The following INPP4B variants were observed in gnomAD, a reference collection of about 807,000 sequenced individuals.
INPP4B encodes the protein inositol polyphosphate-4-phosphatase type II B.
Under a neutral mutation model 122.5 loss-of-function variants are expected in INPP4B, and 55 were observed. That is an observed-to-expected ratio of 0.45 (90% confidence interval 0.36 to 0.56). The LOEUF (loss-of-function observed/expected upper bound fraction) is 0.56, where lower values mean the gene tolerates loss of function less well. INPP4B is among the 20% of genes least tolerant of loss of function. The probability of loss-of-function intolerance (pLI) is 0.00; values close to 1 mark genes in which losing one functional copy is unlikely to be tolerated. For synonymous variants in INPP4B, 403 were observed against 388.7 expected, an observed-to-expected ratio of 1.04 and a Z score of -0.43; for missense variants, 1,000 against 1,097.7, an observed-to-expected ratio of 0.91 and a Z score of 1.26.
chr4:142,463,743 T>C (rs373465178), intron 2 of INPP4B, among the ~76,000 whole-genome samples: 101 of 152,222 alleles, frequency 6.6e-4, no homozygotes, highest in African/African-American at 2.4e-3. Context: ...CAAGATCTTA[T>C]GGTTTTATAA....
At chr4:142,304,670 A>G (rs1762684751) in intron 9 of INPP4B, among the ~76,000 whole-genome samples, 2 of 152,116 alleles carry the variant, frequency 1.3e-5, no homozygotes. Flanking sequence ...GTTTCATCAA[A>G]ATAAGAGAGT....
intron 2 of INPP4B, among the ~76,000 whole-genome samples, chr4:142,633,026 A>C (rs867729958): frequency 6.6e-6 from 1 of 151,952 alleles, no homozygotes; most frequent in African/African-American, 2.4e-5. Flanking sequence ...TATATGGACA[A>C]AGAAAAGTTG....
chr4:142,839,607 A>G (rs1328771821), intron 1 of INPP4B, among the ~76,000 whole-genome samples: 1 of 152,212 alleles, frequency 6.6e-6, no homozygotes, highest in East Asian at 1.9e-4. Flanking sequence ...TATGATAAAA[A>G]TATTTGTAAA....
intron 1 of INPP4B, among the ~76,000 whole-genome samples, chr4:142,738,259 C>A (rs887805878): frequency 6.6e-6 from 1 of 152,152 alleles, no homozygotes; most frequent in Non-Finnish European, 1.5e-5. Context: ...CACATATACA[C>A]CATGGAATAC....
intron 7 of INPP4B, among the ~76,000 whole-genome samples, chr4:142,362,897 A>C (rs956868760): frequency 6.6e-6 from 1 of 152,048 alleles, no homozygotes; most frequent in African/African-American, 2.4e-5. Context: ...TACGTTCACT[A>C]TTTGGGTGAC....
chr4:142,031,554 C>CAAAGT (rs1435482279), intron 25 of INPP4B, among the ~76,000 whole-genome samples: 1 of 152,136 alleles, frequency 6.6e-6, no homozygotes, highest in Non-Finnish European at 1.5e-5. Context: ...CAATCAGTGA[C>CAAAGT]AAAGTAAAAG....
At chr4:142,288,934 A>G (rs1561756381) in intron 9 of INPP4B, among the ~76,000 whole-genome samples, 6 of 152,150 alleles carry the variant, frequency 3.9e-5, no homozygotes, top group African/African-American at 1.2e-4. Flanking sequence ...GGATTCAAGT[A>G]TATTATTTGA....
chr4:142,818,925 T>C (rs1332471559), intron 1 of INPP4B, among the ~76,000 whole-genome samples: 1 of 152,196 alleles, frequency 6.6e-6, no homozygotes, highest in Non-Finnish European at 1.5e-5. Context: ...TCCACTAGCA[T>C]GTGAATGCCA....
At chr4:142,148,647 ATT>A (rs765414294) in intron 17 of INPP4B, among the ~76,000 whole-genome samples, 2 of 152,224 alleles carry the variant, frequency 1.3e-5, no homozygotes, top group Non-Finnish European at 2.9e-5. Context: ...TTAAAAGATA[ATT>A]TGACATTCAC....
intron 2 of INPP4B, among the ~76,000 whole-genome samples, chr4:142,692,430 G>A (rs1283338148): frequency 6.6e-6 from 1 of 152,184 alleles, no homozygotes; most frequent in Non-Finnish European, 1.5e-5. Flanking sequence ...GCCAGGTGGG[G>A]TGGCTCATGC....
chr4:142,114,340 G>A (rs1791837570), intron 21 of INPP4B, among the ~76,000 whole-genome samples: 2 of 151,946 alleles, frequency 1.3e-5, no homozygotes, highest in Admixed American at 1.3e-4. Context: ...AAGTCATATG[G>A]TAATTTTATA....
Position 142,263,665 on chromosome 4 carries a change from TATATATATATATATAAC to T in INPP4B, c.616-3118_616-3102del, listed in dbSNP as rs1258899758. Among the ~76,000 whole-genome samples the T allele has an allele frequency of 2.0e-5, 2 of 102,388 alleles. 1 individual carries two copies. The highest frequency in any genetic ancestry group is 3.9e-5 in the Non-Finnish European group (2 of 50,790). The allele number at this position is 102,388 out of a possible 152,430, so 67.2% of individuals were successfully genotyped here. On this transcript the variant is annotated intron_variant, in intron 10 of 25. Transcript: ENST00000262992. ...ATATATATATATATATATATATATA[TATATATATATATATAAC>T]ATTGAACAATGACAAGTACTAATCA...
intron 23 of INPP4B, among the ~76,000 whole-genome samples, chr4:142,104,048 C>T (rs1785796761): frequency 6.6e-6 from 1 of 152,086 alleles, no homozygotes; most frequent in African/African-American, 2.4e-5. Flanking sequence ...ATAGTGCTAG[C>T]ATAGGAATCA....
chr4:142,129,134 A>C (rs1446833783), intron 18 of INPP4B, among the ~76,000 whole-genome samples: 1 of 152,200 alleles, frequency 6.6e-6, no homozygotes, highest in African/African-American at 2.4e-5. Flanking sequence ...TAAGGTAACA[A>C]GATGATGAAC....
At chr4:142,194,911 T>A (rs1303836468) in intron 14 of INPP4B, among the ~76,000 whole-genome samples, 2 of 152,290 alleles carry the variant, frequency 1.3e-5, no homozygotes, top group Non-Finnish European at 2.9e-5. Context: ...GGTGTCTATA[T>A]CCCCATAAAA....
chr4:142,080,475 C>G (rs953414471), intron 25 of INPP4B, among the ~76,000 whole-genome samples: 2 of 151,968 alleles, frequency 1.3e-5, no homozygotes, highest in Admixed American at 6.6e-5. Context: ...TGAAGTTAAG[C>G]CTTTAGTGTT....
intron 2 of INPP4B, among the ~76,000 whole-genome samples, chr4:142,529,016 T>C (rs143738206): frequency 2.6e-4 from 40 of 152,244 alleles, no homozygotes; most frequent in African/African-American, 9.6e-4. Context: ...AGAAAAATTT[T>C]TTCTAAGGAA....
chr4:142,741,346 C>A lies in INPP4B; in HGVS notation c.-253-15445G>T, dbSNP rs893087359. On this transcript the variant is annotated intron_variant, in intron 1 of 25. Coordinates refer to ENST00000262992, the MANE Select transcript of INPP4B (RefSeq NM_001101669.3). ...GGAGTAGGAGAGAGACGAGGAGGAG[C>A]CAGCCCCTTTTAAACAACCAAATAT... Among the ~76,000 whole-genome samples the A allele has an allele frequency of 4.0e-5, 6 of 151,794 alleles. No homozygotes were observed. In the East Asian group the frequency reaches 1.2e-3, roughly 29 times the overall value.
At chr4:142,049,898 G>C (rs1048283011) in intron 25 of INPP4B, among the ~76,000 whole-genome samples, 5 of 151,776 alleles carry the variant, frequency 3.3e-5, no homozygotes, top group African/African-American at 1.2e-4. Context: ...TTAATAAATG[G>C]CAATTTGTAA....
Sources: allele counts gnomAD v4.1 joint callset (sites outside exome capture counted in the v4.1 genomes callset), GRCh38; gene constraint gnomAD v4.1.1; transcripts MANE v1.5; gene names NCBI Gene and HGNC (gene_info 2026-07-23, HGNC 2026-07-21).